The following SHISAL2B variants were observed in gnomAD, a reference collection of about 807,000 sequenced individuals.
The protein encoded by SHISAL2B is shisa like 2B.
SHISAL2B carries 12 observed loss-of-function variants against 16.5 expected under a neutral mutation model. The observed-to-expected ratio is 0.73, with a 90% CI of 0.47 to 1.18. The LOEUF is 1.18. Ranked by LOEUF, SHISAL2B falls within the 50% of genes most tolerant of loss-of-function variation. SHISAL2B has a pLI of 0.00. For missense variants in SHISAL2B, 183 were observed against 193.6 expected (o/e 0.95, Z 0.33); for synonymous variants, 72 against 75.0 (o/e 0.96, Z 0.21).
chr5:64,690,557 G>A lies in SHISAL2B; in HGVS notation c.-67G>A. ...GCAGAGGGGTCCGCGGGCTCTGGAG[G>A]TGCTGGACGGGTGCGATCCGAGAGC... On this transcript the variant is annotated 5_prime_UTR_variant, in exon 1 of 3. In the 5' UTR this introduces an upstream ATG that the reference lacks. Transcript: ENST00000389074. 7.5e-7 allele frequency: 1 copy of A among 1,330,778 alleles called. No individual in the cohort carries two copies. The highest frequency in any genetic ancestry group is 9.9e-7 in the Non-Finnish European group (1 of 1,015,142). The allele number at this position is 1,330,778 out of a possible 1,614,324, so 82.4% of individuals were successfully genotyped here.
intron 2 of SHISAL2B, among the ~76,000 whole-genome samples, chr5:64,712,343 G>A (rs1357268637): frequency 1.3e-5 from 2 of 152,134 alleles, no homozygotes; most frequent in Non-Finnish European, 2.9e-5. Context: ...ATGTAGTTGA[G>A]CGGCTTTGAG....
intron 1 of SHISAL2B, 96 bp from the exon 2 acceptor site, chr5:64,695,411 T>C (rs1223995365): frequency 2.4e-6 from 2 of 826,618 alleles, no homozygotes; most frequent in Non-Finnish European, 3.4e-6. Flanking sequence ...TATGAATAAC[T>C]GAAAACAAGA....
chr5:64,705,054 T>G (rs1041448987), intron 2 of SHISAL2B, among the ~76,000 whole-genome samples: 15 of 152,192 alleles, frequency 9.9e-5, no homozygotes, highest in Non-Finnish European at 1.5e-4. Flanking sequence ...TGCTTTGGCT[T>G]TAGAAGCCAA....
At chr5:64,694,007 G>C in intron 1 of SHISAL2B, 1 of 447,434 alleles carries the variant, frequency 2.2e-6, no homozygotes, top group Non-Finnish European at 4.5e-6. Flanking sequence ...TTCACTTTCA[G>C]TTCTGTTCTC....
chr5:64,697,350 A>C (rs1741753576), intron 2 of SHISAL2B, among the ~76,000 whole-genome samples: 1 of 152,224 alleles, frequency 6.6e-6, no homozygotes, highest in Admixed American at 6.5e-5. Context: ...AATAAGTAGA[A>C]GATGTATTGA....
At chr5:64,706,705 C>T (rs1023828988) in intron 2 of SHISAL2B, among the ~76,000 whole-genome samples, 1 of 152,036 alleles carries the variant, frequency 6.6e-6, no homozygotes, top group Non-Finnish European at 1.5e-5. Context: ...AGAGAGAAAA[C>T]AAACAAAAAC....
chr5:64,708,260 A>G (rs1387598007), intron 2 of SHISAL2B, among the ~76,000 whole-genome samples: 3 of 152,154 alleles, frequency 2.0e-5, no homozygotes, highest in Non-Finnish European at 4.4e-5. Context: ...AATAAGCCAA[A>G]TATGTCTCTT....
chr5:64,703,984 T>TA lies in SHISAL2B; in HGVS notation c.349+8328dup, dbSNP rs199564504. Among the ~76,000 whole-genome samples the TA allele has an allele frequency of 7.1e-3, 1,081 of 151,902 alleles. 13 individuals are homozygous for TA. Among genetic ancestry groups the TA allele is most frequent in the African/African-American group, 0.025 (1,048 of 41,444 alleles). The stretch of plus-strand genomic sequence containing the variant: ...TGAAGAGAAAACATCCTCTTACAAA[T>TA]AAAAAAAACACTTTTAGGGTAAAAA... On this transcript the variant is annotated intron_variant, in intron 2 of 2. Coordinates refer to ENST00000389074, the MANE Select transcript of SHISAL2B (RefSeq NM_001164442.2).
At chr5:64,699,147 C>T (rs74992432) in intron 2 of SHISAL2B, among the ~76,000 whole-genome samples, 1,916 of 152,278 alleles carry the variant, frequency 0.013, 51 homozygotes, top group African/African-American at 0.043. Flanking sequence ...CATTCTGCCC[C>T]TCTCATAAAT....
intron 2 of SHISAL2B, among the ~76,000 whole-genome samples, chr5:64,712,928 T>C (rs1741980159): frequency 6.6e-6 from 1 of 152,016 alleles, no homozygotes; most frequent in Non-Finnish European, 1.5e-5. Context: ...TGAGCCTATG[T>C]GTGTCTCTGC....
chr5:64,694,122 G>A (rs1265584611), intron 1 of SHISAL2B: 6 of 455,286 alleles, frequency 1.3e-5, no homozygotes, highest in Middle Eastern at 3.3e-4. Context: ...CAGAGAAAGA[G>A]CAGAAGCCTA....
At position 64,707,415 on chromosome 5, in the gene SHISAL2B, G is replaced by C. The variant is rs182069087; in HGVS notation, c.350-10474G>C. 1.6e-3 allele frequency among the ~76,000 whole-genome samples: 242 copies of C among 151,950 alleles called. 1 individual carries two copies. Among genetic ancestry groups the C allele is most frequent in the African/African-American group, 5.6e-3 (231 of 41,348 alleles). On this transcript the variant is annotated intron_variant, in intron 2 of 2. Transcript: ENST00000389074. ...TTACCACAGGTTAGGAGCCCTCTAC[G>C]GGGACCGTGAGGACATGGTATGAGG...
At chr5:64,690,932 A>G (rs931297447) in intron 1 of SHISAL2B, 118 bp downstream of exon 1, 2 of 889,900 alleles carry the variant, frequency 2.2e-6, no homozygotes, top group Admixed American at 3.4e-5. Flanking sequence ...GCCCTAGGTT[A>G]GGTCCCTACG....
chr5:64,698,836 G>A (rs775174780), intron 2 of SHISAL2B, among the ~76,000 whole-genome samples: 1 of 152,214 alleles, frequency 6.6e-6, no homozygotes, highest in Admixed American at 6.5e-5. Flanking sequence ...GAATGGGGTA[G>A]CACTGCATGT....
chr5:64,713,348 A>C (rs1170412766), intron 2 of SHISAL2B, among the ~76,000 whole-genome samples: 1 of 99,978 alleles, frequency 1.0e-5, no homozygotes. Flanking sequence ...TCTTTTCTTT[A>C]AGAATGTTGA....
chr5:64,700,857 C>T (rs962836117), intron 2 of SHISAL2B, among the ~76,000 whole-genome samples: 5 of 152,166 alleles, frequency 3.3e-5, no homozygotes, highest in Admixed American at 1.3e-4. Flanking sequence ...ATTAGATTCT[C>T]GTAAGGAAAG....
chr5:64,699,332 T>TTCAAA (rs1475947503), intron 2 of SHISAL2B, among the ~76,000 whole-genome samples: 3 of 152,338 alleles, frequency 2.0e-5, no homozygotes, highest in African/African-American at 7.2e-5. Flanking sequence ...ATAAAAATAG[T>TTCAAA]TCAAATGTCA....
At chr5:64,695,867 T>C (rs1443938343) in intron 2 of SHISAL2B, among the ~76,000 whole-genome samples, 3 of 152,252 alleles carry the variant, frequency 2.0e-5, no homozygotes, top group African/African-American at 7.2e-5. Flanking sequence ...AGCAGCAGGA[T>C]GTAATTATTC....
At chr5:64,712,347 C>A (rs1160544272) in intron 2 of SHISAL2B, among the ~76,000 whole-genome samples, 1 of 152,072 alleles carries the variant, frequency 6.6e-6, no homozygotes, top group Non-Finnish European at 1.5e-5. Flanking sequence ...AGTTGAGCGG[C>A]TTTGAGTGAG....
Sources: gnomAD v4.1 joint callset for allele counts (sites outside exome capture counted in the v4.1 genomes callset) on GRCh38, gnomAD v4.1.1 for gene constraint, MANE v1.5 for transcripts, NCBI Gene and HGNC (gene_info 2026-07-23, HGNC 2026-07-21) for gene names.